Variants in NEDD8 observed in about 807,000 individuals in gnomAD.
The protein encoded by NEDD8 is NEDD8 ubiquitin like modifier, also known as ubiquitin-like protein NEDD8.
In NEDD8, 1 loss-of-function variant was observed where a neutral mutation model predicts 13.8. That is an observed-to-expected ratio of 0.07 (90% confidence interval 0.03 to 0.34). The LOEUF is 0.34. NEDD8 is among the 10% of genes least tolerant of loss of function. NEDD8 has a pLI of 0.99. For synonymous variants in NEDD8, 31 were observed against 33.2 expected (o/e 0.93, Z 0.23); for missense variants, 10 against 95.2 (o/e 0.10, Z 3.73).
intron 3 of NEDD8, chr14:24,217,830 A>G: frequency 3.7e-6 from 1 of 272,764 alleles, no homozygotes; most frequent in Non-Finnish European, 6.9e-6. Flanking sequence ...AATTATGGTC[A>G]TATTAGACCT....
intron 1 of NEDD8, chr14:24,226,549 T>C (rs1397229560): frequency 6.6e-6 from 1 of 152,166 alleles, no homozygotes; most frequent in East Asian, 1.9e-4. Context: ...CTAAGTGCTA[T>C]GGTGAATGAA....
chr14:24,230,045 G>A (rs2039964302), intron 1 of NEDD8, among the ~76,000 whole-genome samples: 1 of 151,602 alleles, frequency 6.6e-6, no homozygotes, highest in Admixed American at 6.6e-5. Flanking sequence ...ACTCCAGCCT[G>A]GTGACAGAGG....
At chr14:24,227,517 T>G (rs1009662373) in intron 1 of NEDD8, 64 of 151,956 alleles carry the variant, frequency 4.2e-4, no homozygotes, top group African/African-American at 1.5e-3. Flanking sequence ...GTAATGGAGA[T>G]GGAAACAAAA....
At chr14:24,219,556 T>C (rs1424415337) in intron 1 of NEDD8, among the ~76,000 whole-genome samples, 3 of 146,324 alleles carry the variant, frequency 2.1e-5, no homozygotes, top group African/African-American at 7.6e-5. Context: ...ACATCTCCCA[T>C]ATCTTTCCAG....
At chr14:24,222,836 C>A (rs1250954382) in intron 1 of NEDD8, among the ~76,000 whole-genome samples, 1 of 151,980 alleles carries the variant, frequency 6.6e-6, no homozygotes, top group Non-Finnish European at 1.5e-5. Flanking sequence ...CACCTGTAAT[C>A]CTAGCACTTT....
intron 1 of NEDD8, among the ~76,000 whole-genome samples, chr14:24,225,086 G>A (rs930315565): frequency 6.7e-6 from 1 of 148,838 alleles, no homozygotes; most frequent in Non-Finnish European, 1.5e-5. Flanking sequence ...AGAATCACTT[G>A]AACCCTGGAA....
rs1408571004 is a variant in NEDD8 at position 24,218,014 on chromosome 14, C to A, written c.149+119G>T. 3.1e-6 allele frequency: 4 copies of A among 1,302,310 alleles called. No individual in the cohort carries two copies. In the African/African-American group the frequency reaches 5.9e-5, roughly 19 times the overall value. The allele number at this position is 1,302,310 out of a possible 1,614,324, so 80.7% of individuals were successfully genotyped here. A position where few individuals can be genotyped will look rare whatever the true frequency, so the allele number is the denominator to read the frequency against. ...GGGGCTTAGAGGCTTCACCAGATTG[C>A]CAAAGAGTCTTAGGCACCAAAAACA... On this transcript the variant is annotated intron_variant, in intron 3 of 3. Transcript: ENST00000250495.
At chr14:24,218,263 T>C (rs1566664209) in intron 2 of NEDD8, 48 bp from the exon 3 acceptor site, 3 of 1,613,878 alleles carry the variant, frequency 1.9e-6, no homozygotes, top group Non-Finnish European at 2.5e-6. Context: ...GGTAGGACCA[T>C]GGAAACGGAA....
At chr14:24,227,154 A>G (rs1026878602) in intron 1 of NEDD8, 34 of 152,334 alleles carry the variant, frequency 2.2e-4, no homozygotes, top group African/African-American at 8.2e-4. Flanking sequence ...TAGGAATACA[A>G]ATGTTTAGAT....
At chr14:24,217,250 A>G (rs2039718147) in intron 3 of NEDD8, 27 bp from the exon 4 acceptor site, 2 of 1,567,040 alleles carry the variant, frequency 1.3e-6, no homozygotes, top group East Asian at 2.3e-5. Context: ...CCAGAAAAAA[A>G]AGAAAAAGAA....
Position 24,222,953 on chromosome 14 carries a change from G to A in NEDD8, c.19-4522C>T, listed in dbSNP as rs577721122. On this transcript the variant is annotated intron_variant, in intron 1 of 3. Transcript: ENST00000250495. ...ATACAAAGATTAGTTGGGCATGGTG[G>A]TGGGCGCCTGTAGTCCCAGCTACTG... 2.0e-5 allele frequency among the ~76,000 whole-genome samples: 3 copies of A among 152,008 alleles called. No homozygotes were observed. In the South Asian group the frequency reaches 6.2e-4, roughly 32 times the overall value.
Position 24,217,241 on chromosome 14 carries a change from CAGAAAAAAA to C in NEDD8, c.150-27_150-19del. ...CATCATTCCTGCAGGAAAAGGAAGC[CAGAAAAAAA>C]AGAAAAAGAAGACTTAGGAGTTTTT... is the stretch of plus-strand genomic sequence containing the variant. On this transcript the variant is annotated intron_variant, in intron 3 of 3. Transcript: ENST00000250495. 1 of 1,582,342 alleles carries C rather than the reference CAGAAAAAAA, an allele frequency of 6.3e-7. No homozygotes were observed. The highest frequency in any genetic ancestry group is 1.4e-5 in the African/African-American group (1 of 72,760).
intron 1 of NEDD8, among the ~76,000 whole-genome samples, chr14:24,225,112 T>A (rs2039868867): frequency 6.9e-6 from 1 of 145,010 alleles, no homozygotes; most frequent in African/African-American, 2.6e-5. Context: ...GAAGTTGCAG[T>A]AGTGAGCCAA....
intron 1 of NEDD8, among the ~76,000 whole-genome samples, chr14:24,223,182 G>A (rs914203322): frequency 6.6e-6 from 1 of 151,348 alleles, no homozygotes; most frequent in Non-Finnish European, 1.5e-5. Flanking sequence ...TGGGAGTACT[G>A]CTTGAGGCTT....
At chr14:24,229,923 T>C (rs938628782) in intron 1 of NEDD8, among the ~76,000 whole-genome samples, 1 of 151,288 alleles carries the variant, frequency 6.6e-6, no homozygotes, top group African/African-American at 2.4e-5. Flanking sequence ...ATACAAAAAT[T>C]AGCTGGGCGT....
In NEDD8 at chr14:24,225,797, G is replaced by A. The variant is rs34447746; in HGVS notation, c.18+6453C>T. On this transcript the variant is annotated intron_variant, in intron 1 of 3. Coordinates refer to ENST00000250495, the MANE Select transcript of NEDD8 (RefSeq NM_006156.3). Reference sequence around the variant, plus strand: ...CTCACGCCTGTAATCCCAGCACTTCGGGAGGCCAAGGCAGGCGGATCACCT... The same window carrying A: ...CTCACGCCTGTAATCCCAGCACTTCAGGAGGCCAAGGCAGGCGGATCACCT... Among the ~76,000 whole-genome samples the A allele has an allele frequency of 7.2e-5, 11 of 152,312 alleles. No individual in the cohort carries two copies. The South Asian group carries it at 1.7e-3, about 23-fold the overall frequency.
Position 24,217,024 on chromosome 14 carries a change from G to A in NEDD8, c.*103C>T. ...TCCCACCAGTAGACATACATTACTGGGCATCCAGGGGAGGGGGCAGTGGCT... is the reference window on the plus strand; with the variant it reads ...TCCCACCAGTAGACATACATTACTGAGCATCCAGGGGAGGGGGCAGTGGCT... On this transcript the variant is annotated 3_prime_UTR_variant, in exon 4 of 4. Transcript: ENST00000250495. The A allele has an allele frequency of 1.1e-6, 1 of 872,186 alleles. No individual in the cohort carries two copies. The highest frequency in any genetic ancestry group is 1.8e-6 in the Non-Finnish European group (1 of 554,622). 54.0% of individuals were successfully genotyped at this position (872,186 alleles called of 1,614,324 possible).
At position 24,216,909 on chromosome 14, in the gene NEDD8, G is replaced by C. The variant is rs112830782; in HGVS notation, c.*218C>G. The C allele has an allele frequency of 1.9e-6, 1 of 525,962 alleles. No homozygotes were observed. Among genetic ancestry groups the C allele is most frequent in the South Asian group, 3.0e-5 (1 of 33,642 alleles). The allele number at this position is 525,962 out of a possible 1,614,324, so 32.6% of individuals were successfully genotyped here. ...GACAACCAGGGACACAGTCATAAGA[G>C]AGGGAAGCACACAGGACTGCAAACT... is the stretch of plus-strand genomic sequence containing the variant. On this transcript the variant is annotated 3_prime_UTR_variant, in exon 4 of 4. Transcript: ENST00000250495.
chr14:24,230,800 T>C (rs1414865044), intron 1 of NEDD8, among the ~76,000 whole-genome samples: 1 of 151,962 alleles, frequency 6.6e-6, no homozygotes, highest in Non-Finnish European at 1.5e-5. Flanking sequence ...GTATTGTTAG[T>C]AGAGGCGGGG....
Sources: allele counts gnomAD v4.1 joint callset (sites outside exome capture counted in the v4.1 genomes callset), GRCh38; gene constraint gnomAD v4.1.1; transcripts MANE v1.5; gene names NCBI Gene and HGNC (gene_info 2026-07-23, HGNC 2026-07-21).